Variants in FBXL2 observed in about 807,000 individuals in gnomAD.
FBXL2 encodes the protein F-box and leucine rich repeat protein 2, also known as F-box/LRR-repeat protein 2.
In FBXL2, 38 loss-of-function variants were observed where a neutral mutation model predicts 69.2. That is an observed-to-expected ratio of 0.55 (90% CI 0.42 to 0.72). The LOEUF (loss-of-function observed/expected upper bound fraction) is 0.72. FBXL2 is among the 30% of genes least tolerant of loss of function. The pLI is 0.00. For synonymous variants in FBXL2, 192 were observed against 201.3 expected (o/e 0.95, Z 0.39); for missense variants, 354 against 520.3 (o/e 0.68, Z 3.11).
chr3:33,330,972 CTA>C (rs2039113653), intron 2 of FBXL2, among the ~76,000 whole-genome samples: 1 of 150,514 alleles, frequency 6.6e-6, no homozygotes, highest in Non-Finnish European at 1.5e-5. Context: ...ATAAAATATT[CTA>C]TGTTGTATAT....
At chr3:33,407,287 T>C (rs2044452220), downstream of FBXL2, among the ~76,000 whole-genome samples, 1 of 152,190 alleles carries the variant, frequency 6.6e-6, no homozygotes, top group African/African-American at 2.4e-5. Flanking sequence ...TACCAACAGT[T>C]TTCCCATCTT....
the FBXL2 span, chr3:33,416,075 C>G: frequency 6.6e-6 from 1 of 152,190 alleles, no homozygotes. Context: ...GAGGGCCCAG[C>G]AGCACCTGGG....
chr3:33,408,243 A>G (rs1347805394), downstream of FBXL2, among the ~76,000 whole-genome samples: 3 of 152,194 alleles, frequency 2.0e-5, no homozygotes, highest in Non-Finnish European at 4.4e-5. Context: ...TGCTGCCATC[A>G]TCTAACTGTC....
intron 2 of FBXL2, among the ~76,000 whole-genome samples, chr3:33,345,384 G>GCA (rs2040359198): frequency 6.6e-6 from 1 of 152,100 alleles, no homozygotes; most frequent in Non-Finnish European, 1.5e-5. Flanking sequence ...TGGTAGTGGG[G>GCA]CACACATCAT....
chr3:33,407,133 G>C (rs1048505894), downstream of FBXL2, among the ~76,000 whole-genome samples: 10 of 152,146 alleles, frequency 6.6e-5, no homozygotes, highest in African/African-American at 2.4e-4. Context: ...AGGTTTTCAA[G>C]ATGAGCTCTA....
Position 33,385,826 on chromosome 3 carries a change from C to T in FBXL2, c.*218C>T. Reference sequence around the variant, plus strand: ...AATCAAAGCCTTGTGTCAGTTAACACATGACAAGTGGTCTCAATGCAGCTA... The same window carrying T: ...AATCAAAGCCTTGTGTCAGTTAACATATGACAAGTGGTCTCAATGCAGCTA... On this transcript the variant is annotated 3_prime_UTR_variant, in exon 15 of 15. Coordinates refer to ENST00000484457, the MANE Select transcript of FBXL2 (RefSeq NM_012157.5). The T allele has an allele frequency of 1.8e-6, 1 of 565,982 alleles. No homozygotes were observed. The highest frequency in any genetic ancestry group is 3.0e-5 in the East Asian group (1 of 33,050). 35.1% of individuals were successfully genotyped at this position (565,982 alleles called of 1,614,324 possible).
rs577746876 is a variant in FBXL2, at chr3:33,321,214, G to T, written c.65+23489G>T. On this transcript the variant is annotated intron_variant, in intron 2 of 14. Coordinates refer to ENST00000484457, the MANE Select transcript of FBXL2 (RefSeq NM_012157.5). ...AATCTCAGCTACTTGGGAAGCTGAG[G>T]CAGCAGAATCACTTGAACCCAGGAG... 6.7e-4 allele frequency among the ~76,000 whole-genome samples: 102 copies of T among 151,882 alleles called. 1 individual carries two copies. The highest frequency in any genetic ancestry group is 2.4e-3 in the African/African-American group (98 of 41,410).
chr3:33,392,837 C>A (rs1393515476), downstream of FBXL2: 7 of 453,708 alleles, frequency 1.5e-5, no homozygotes, highest in Non-Finnish European at 2.3e-5. Context: ...GTCAGTCACC[C>A]ATGTGACCCA....
At chr3:33,286,652 C>T (rs545147698) in intron 1 of FBXL2, among the ~76,000 whole-genome samples, 8 of 152,338 alleles carry the variant, frequency 5.3e-5, no homozygotes, top group African/African-American at 2.4e-5. Context: ...TCTACAGAGG[C>T]GGGCAGGCCT....
chr3:33,336,905 A>G (rs902054807), intron 2 of FBXL2, among the ~76,000 whole-genome samples: 1 of 135,876 alleles, frequency 7.4e-6, no homozygotes, highest in African/African-American at 2.9e-5. Context: ...CTCTGTCTCA[A>G]AACAAACAAA....
At chr3:33,381,288 A>G (rs774995380) in intron 13 of FBXL2, among the ~76,000 whole-genome samples, 1 of 152,246 alleles carries the variant, frequency 6.6e-6, no homozygotes, top group Non-Finnish European at 1.5e-5. Context: ...CACCATCTCC[A>G]TCATCTTTCT....
At chr3:33,376,463 G>A (rs2042648229) in intron 10 of FBXL2, among the ~76,000 whole-genome samples, 1 of 152,142 alleles carries the variant, frequency 6.6e-6, no homozygotes, top group South Asian at 2.1e-4. Context: ...TTTCTGCTTA[G>A]TAGAAGGAAT....
intron 1 of FBXL2, 127 bp downstream of exon 1, chr3:33,277,642 C>A: frequency 9.9e-7 from 1 of 1,009,714 alleles, no homozygotes. Flanking sequence ...CCGCGGCCTG[C>A]GAGGCTGCTG....
downstream of FBXL2, among the ~76,000 whole-genome samples, chr3:33,408,369 G>GGT (rs1045701066): frequency 8.6e-5 from 13 of 152,024 alleles, no homozygotes; most frequent in African/African-American, 3.1e-4. Flanking sequence ...TCTTGAAGGA[G>GGT]GTGTGTGTGT....
chr3:33,361,094 G>C (rs1365461138), intron 4 of FBXL2, among the ~76,000 whole-genome samples: 1 of 137,142 alleles, frequency 7.3e-6, no homozygotes, highest in Non-Finnish European at 1.5e-5. Flanking sequence ...ACCACGCCCG[G>C]CTAATTTTTT....
intron 1 of FBXL2, among the ~76,000 whole-genome samples, chr3:33,286,210 G>A (rs1575591851): frequency 6.6e-6 from 1 of 152,266 alleles, no homozygotes; most frequent in South Asian, 2.1e-4. Context: ...GTACAGATAG[G>A]GTTTTGGTGT....
At chr3:33,288,574 T>C (rs142891711) in intron 1 of FBXL2, among the ~76,000 whole-genome samples, 2 of 152,246 alleles carry the variant, frequency 1.3e-5, no homozygotes, top group East Asian at 1.9e-4. Flanking sequence ...GGATATGCCA[T>C]GGGAATGCCT....
chr3:33,335,923 T>C (rs1350665117), intron 2 of FBXL2, among the ~76,000 whole-genome samples: 1 of 152,172 alleles, frequency 6.6e-6, no homozygotes, highest in Non-Finnish European at 1.5e-5. Flanking sequence ...AAATATAACT[T>C]TGTTAGATTT....
chr3:33,342,591 A>G (rs1033709631), intron 2 of FBXL2, among the ~76,000 whole-genome samples: 30 of 151,662 alleles, frequency 2.0e-4, no homozygotes, highest in Non-Finnish European at 4.3e-4. Context: ...ATTTATGACG[A>G]AGAGTAAATT....
Sources: gnomAD v4.1 joint callset for allele counts (sites outside exome capture counted in the v4.1 genomes callset) on GRCh38, gnomAD v4.1.1 for gene constraint, MANE v1.5 for transcripts, NCBI Gene and HGNC (gene_info 2026-07-23, HGNC 2026-07-21) for gene names.